The following SYNPR variants were observed in gnomAD, a reference collection of about 807,000 sequenced individuals.
SYNPR encodes synaptoporin.
Under a neutral mutation model 32.9 loss-of-function variants are expected in SYNPR, and 23 were observed. The observed-to-expected ratio is 0.70, with a 90% CI of 0.50 to 0.99. SYNPR has a LOEUF of 0.99. Ranked by LOEUF, SYNPR falls within the 50% of genes least tolerant of loss-of-function variation. SYNPR has a pLI of 0.00. For missense variants in SYNPR, 318 were observed against 349.3 expected (o/e 0.91, Z 0.71); for synonymous variants, 146 against 135.9 (o/e 1.07, Z -0.52).
intron 4 of SYNPR, among the ~76,000 whole-genome samples, chr3:63,586,339 CAG>C (rs1400712785): frequency 6.6e-6 from 1 of 151,276 alleles, no homozygotes; most frequent in African/African-American, 2.4e-5. Flanking sequence ...TTCCCCCAAA[CAG>C]AAAATTTTTC....
At chr3:63,297,738 G>A (rs1248455601) in intron 2 of SYNPR, among the ~76,000 whole-genome samples, 2 of 152,122 alleles carry the variant, frequency 1.3e-5, no homozygotes, top group Non-Finnish European at 2.9e-5. Flanking sequence ...TGGTGGGCAG[G>A]GGGCTAGGGA....
chr3:63,260,330 G>C (rs1024328636), intron 2 of SYNPR, among the ~76,000 whole-genome samples: 11 of 152,112 alleles, frequency 7.2e-5, no homozygotes, highest in African/African-American at 1.9e-4. Flanking sequence ...ATACTACAAG[G>C]CCACAGTAAC....
intron 2 of SYNPR, among the ~76,000 whole-genome samples, chr3:63,345,121 CTTG>C (rs374171845): frequency 3.5e-4 from 54 of 152,292 alleles, no homozygotes; most frequent in African/African-American, 1.2e-3. Context: ...TAAACAATGA[CTTG>C]TTATCATTTA....
chr3:63,270,646 G>C (rs144585677), intron 3 of SYNPR, among the ~76,000 whole-genome samples: 12 of 152,148 alleles, frequency 7.9e-5, no homozygotes, highest in African/African-American at 2.6e-4. Context: ...TACTTGGCTT[G>C]GTTTTTAGTT....
chr3:63,416,415 C>T (rs546329152), intron 2 of SYNPR, among the ~76,000 whole-genome samples: 1 of 151,872 alleles, frequency 6.6e-6, no homozygotes, highest in East Asian at 1.9e-4. Context: ...GCCTGTAGTC[C>T]CAGCTATTCT....
At chr3:63,495,006 G>A (rs931382529) in intron 3 of SYNPR, among the ~76,000 whole-genome samples, 3 of 152,124 alleles carry the variant, frequency 2.0e-5, no homozygotes, top group Non-Finnish European at 2.9e-5. Flanking sequence ...CAGAATCACT[G>A]GCATTAATTT....
At chr3:63,246,844 A>T (rs1299890080) in intron 1 of SYNPR, among the ~76,000 whole-genome samples, 1 of 151,702 alleles carries the variant, frequency 6.6e-6, no homozygotes, top group Non-Finnish European at 1.5e-5. Flanking sequence ...TTTACAAATG[A>T]TTTGTAATCT....
intron 1 of SYNPR, among the ~76,000 whole-genome samples, chr3:63,234,396 T>A (rs370930831): frequency 1.5e-3 from 225 of 152,294 alleles, no homozygotes; most frequent in Middle Eastern, 0.01. Flanking sequence ...ATTGCATTCT[T>A]CCACAACCAC....
chr3:63,204,859 T>C, the SYNPR span, among the ~76,000 whole-genome samples: 1 of 152,060 alleles, frequency 6.6e-6, no homozygotes, highest in East Asian at 1.9e-4. Context: ...GGCTAATTTT[T>C]GTATTTTTAG....
chr3:63,559,457 T>C (rs61673366), intron 4 of SYNPR, among the ~76,000 whole-genome samples: 7,307 of 152,254 alleles, frequency 0.048, 572 homozygotes, highest in African/African-American at 0.16. Flanking sequence ...ATGCCAACTT[T>C]ATACAAGTAG....
the SYNPR span, among the ~76,000 whole-genome samples, chr3:63,219,236 T>C: frequency 6.6e-6 from 1 of 152,134 alleles, no homozygotes; most frequent in East Asian, 1.9e-4. Flanking sequence ...AAGATCTTTC[T>C]AGCCAGAGGA....
At chr3:63,273,651 T>C (rs1023554339), upstream of SYNPR, among the ~76,000 whole-genome samples, 3 of 152,226 alleles carry the variant, frequency 2.0e-5, no homozygotes, top group Admixed American at 6.5e-5. Context: ...AAAAGCATTT[T>C]ATAATTTAAG....
At chr3:63,255,248 G>A (rs2086372151) in intron 2 of SYNPR, among the ~76,000 whole-genome samples, 2 of 152,094 alleles carry the variant, frequency 1.3e-5, no homozygotes, top group Admixed American at 1.3e-4. Flanking sequence ...ATATTTAAGT[G>A]AGTTTCTCAT....
At chr3:63,595,751 A>AAAATT (rs1404878483) in intron 4 of SYNPR, among the ~76,000 whole-genome samples, 1 of 43,386 alleles carries the variant, frequency 2.3e-5, no homozygotes, top group African/African-American at 1.3e-4. Context: ...ATATATATAT[A>AAAATT]TATATATATA....
intron 4 of SYNPR, among the ~76,000 whole-genome samples, chr3:63,581,044 A>G (rs1703080566): frequency 6.6e-6 from 1 of 152,186 alleles, no homozygotes; most frequent in African/African-American, 2.4e-5. Context: ...TGACTTCAGA[A>G]CTGTAACAAT....
At chr3:63,211,873 C>T in the SYNPR span, among the ~76,000 whole-genome samples, 2 of 108,558 alleles carry the variant, frequency 1.8e-5, no homozygotes, top group South Asian at 3.6e-4. Context: ...CCCGACCCCA[C>T]CACAGTCCCC....
At chr3:63,591,527 T>C (rs1417517871) in intron 4 of SYNPR, among the ~76,000 whole-genome samples, 3 of 123,898 alleles carry the variant, frequency 2.4e-5, no homozygotes, top group Admixed American at 2.4e-4. Context: ...TGCAGCATTA[T>C]TCACAATAGC....
intron 3 of SYNPR, among the ~76,000 whole-genome samples, chr3:63,510,917 G>GTGTGTGTGTGTGTGTT (rs1249252800): frequency 7.9e-6 from 1 of 126,912 alleles, no homozygotes; most frequent in Non-Finnish European, 1.8e-5. Context: ...AGGTACAACT[G>GTGTGTGTGTGTGTGTT]TGTGTGTGTG....
intron 2 of SYNPR, among the ~76,000 whole-genome samples, chr3:63,255,327 T>C (rs2086372718): frequency 6.6e-6 from 1 of 152,106 alleles, no homozygotes; most frequent in Admixed American, 6.5e-5. Flanking sequence ...TGGGACATAA[T>C]GATTGGGTGG....
Sources: gnomAD v4.1 joint callset for allele counts (sites outside exome capture counted in the v4.1 genomes callset) on GRCh38, gnomAD v4.1.1 for gene constraint, MANE v1.5 for transcripts, NCBI Gene and HGNC (gene_info 2026-07-23, HGNC 2026-07-21) for gene names.